The following NOSTRIN variants were observed in gnomAD, a reference collection of about 807,000 sequenced individuals.
NOSTRIN encodes the protein BM247 homolog.
In NOSTRIN, 63 loss-of-function variants were observed where a neutral mutation model predicts 59.0. The observed-to-expected ratio is 1.07, with a 90% CI of 0.87 to 1.32. NOSTRIN has a LOEUF of 1.32. Ranked by LOEUF, NOSTRIN falls within the 40% of genes most tolerant of loss-of-function variation. The probability of loss-of-function intolerance (pLI) is 0.00; values close to 1 mark genes in which losing one functional copy is unlikely to be tolerated. For synonymous variants in NOSTRIN, 200 were observed against 165.4 expected (o/e 1.21, Z -1.61); for missense variants, 512 against 473.1 (o/e 1.08, Z -0.76).
intron 7 of NOSTRIN, among the ~76,000 whole-genome samples, chr2:168,841,048 T>G (rs954277747): frequency 6.7e-6 from 1 of 148,528 alleles, no homozygotes; most frequent in African/African-American, 2.5e-5. Context: ...AGCCCAGGAG[T>G]TGGAGACCAG....
At chr2:168,850,715 C>A in intron 8 of NOSTRIN, 1 of 651,178 alleles carries the variant, frequency 1.5e-6, no homozygotes, top group Non-Finnish European at 2.6e-6. Flanking sequence ...GAGTTCAAGG[C>A]CAGCCTGCCC....
chr2:168,819,156 G>C (rs889188258), intron 2 of NOSTRIN, among the ~76,000 whole-genome samples: 1 of 152,144 alleles, frequency 6.6e-6, no homozygotes, highest in Admixed American at 6.5e-5. Context: ...GATTAGCTCT[G>C]CTCTCTCTAC....
At chr2:168,848,594 A>T (rs566465) in intron 8 of NOSTRIN, among the ~76,000 whole-genome samples, 64,700 of 152,140 alleles carry the variant, frequency 0.43, 14,715 homozygotes, top group East Asian at 0.63. Context: ...ATACCATGGA[A>T]TATTATTCAG....
At chr2:168,841,945 G>T (rs1424758974) in intron 7 of NOSTRIN, among the ~76,000 whole-genome samples, 3 of 152,186 alleles carry the variant, frequency 2.0e-5, no homozygotes, top group Admixed American at 6.5e-5. Flanking sequence ...GGGAAACCCA[G>T]TAAGGCTGTC....
intron 8 of NOSTRIN, among the ~76,000 whole-genome samples, chr2:168,843,910 GT>G (rs1293129977): frequency 6.6e-6 from 1 of 152,170 alleles, no homozygotes; most frequent in Non-Finnish European, 1.5e-5. Flanking sequence ...TGGGAGAATT[GT>G]TTATAATTGC....
At chr2:168,859,949 T>G (rs1288680547) in intron 13 of NOSTRIN, among the ~76,000 whole-genome samples, 1 of 152,206 alleles carries the variant, frequency 6.6e-6, no homozygotes, top group Non-Finnish European at 1.5e-5. Flanking sequence ...AAATTGAAAT[T>G]TTAATATTCG....
intron 3 of NOSTRIN, among the ~76,000 whole-genome samples, chr2:168,826,439 C>T (rs1574284655): frequency 6.6e-6 from 1 of 152,164 alleles, no homozygotes; most frequent in East Asian, 1.9e-4. Context: ...TCTTTCCTTT[C>T]TTTCTCTTCC....
chr2:168,826,191 T>G (rs958165756), intron 3 of NOSTRIN, among the ~76,000 whole-genome samples: 1 of 149,104 alleles, frequency 6.7e-6, no homozygotes, highest in Non-Finnish European at 1.5e-5. Context: ...GTCCATTACG[T>G]TTTTGATTCG....
intron 12 of NOSTRIN, among the ~76,000 whole-genome samples, chr2:168,857,282 T>G (rs975453963): frequency 6.6e-6 from 1 of 152,170 alleles, no homozygotes; most frequent in African/African-American, 2.4e-5. Flanking sequence ...AACTAGTAAT[T>G]TTTATTAAGG....
At chr2:168,795,637 A>C (rs1212987055), upstream of NOSTRIN, among the ~76,000 whole-genome samples, 1 of 152,228 alleles carries the variant, frequency 6.6e-6, no homozygotes, top group African/African-American at 2.4e-5. Flanking sequence ...ACCCTATTAC[A>C]CTGACTATAA....
chr2:168,854,419 C>A (rs145765664), intron 10 of NOSTRIN, among the ~76,000 whole-genome samples: 5 of 152,280 alleles, frequency 3.3e-5, no homozygotes, highest in African/African-American at 1.2e-4. Flanking sequence ...TTCTGTCCCT[C>A]TGCCACTCAT....
At chr2:168,859,362 T>C in intron 12 of NOSTRIN, 150 bp from the exon 13 acceptor site, 1 of 1,206,014 alleles carries the variant, frequency 8.3e-7, no homozygotes, top group Non-Finnish European at 1.1e-6. Context: ...CCTCCATTTT[T>C]TTTTCCTTCG....
At chr2:168,855,638 C>CAAAAAAAAAAAAAAAAAAA in intron 11 of NOSTRIN, 178 bp downstream of exon 11, 1 of 115,544 alleles carries the variant, frequency 8.7e-6, no homozygotes. Context: ...AAAAGAAAGC[C>CAAAAAAAAAAAAAAAAAAA]AAAAAAAAAA....
At chr2:168,807,579 C>G (rs1389934615) in intron 1 of NOSTRIN, among the ~76,000 whole-genome samples, 1 of 152,190 alleles carries the variant, frequency 6.6e-6, no homozygotes, top group Non-Finnish European at 1.5e-5. Flanking sequence ...CATCTCTTAT[C>G]TGATCGCTAA....
Position 168,824,526 on chromosome 2 carries a change from T to C in NOSTRIN, c.114-108T>C, listed in dbSNP as rs1686943648. The C allele has an allele frequency of 6.1e-6, 4 of 653,460 alleles. No homozygotes were observed. In the South Asian group the frequency reaches 6.6e-5, roughly 11 times the overall value. 40.5% of individuals were successfully genotyped at this position (653,460 alleles called of 1,614,324 possible). ...GTTGGCCAGGCTGGTCTTGAACTCC[T>C]GGCCTCAAGTGATCTGCCTGCCTTG... On this transcript the variant is annotated intron_variant, in intron 2 of 15. Coordinates refer to ENST00000317647, the MANE Select transcript of NOSTRIN (RefSeq NM_001039724.4).
At position 168,828,471 on chromosome 2, in the gene NOSTRIN, CCTAAATGTACA is replaced by C; in HGVS notation, c.313_323del (p.Leu105ArgfsTer8). 1.1e-6 allele frequency: 1 copy of C among 871,588 alleles called. No homozygotes were observed. 54.0% of individuals were successfully genotyped at this position (871,588 alleles called of 1,614,324 possible). ...AAGCAATAAAACCGACTTATCAAGT[CCTAAATGTACA>C]AGAGAAGAAGAGAAAATCAGTGAGT... On this transcript the variant is annotated frameshift_variant, in exon 5 of 16. Coordinates refer to ENST00000317647, the MANE Select transcript of NOSTRIN (RefSeq NM_001039724.4). LOFTEE classifies it high-confidence loss of function.
intron 7 of NOSTRIN, 107 bp downstream of exon 7, chr2:168,834,432 T>C: frequency 1.5e-6 from 1 of 668,924 alleles, no homozygotes; most frequent in Non-Finnish European, 2.7e-6. Context: ...CTCTGTGGGA[T>C]TCCTGCAGAG....
upstream of NOSTRIN, among the ~76,000 whole-genome samples, chr2:168,794,202 T>G (rs1393888372): frequency 6.6e-6 from 1 of 152,106 alleles, no homozygotes; most frequent in Non-Finnish European, 1.5e-5. Flanking sequence ...AGTGAATGGA[T>G]GAATACACAT....
intron 7 of NOSTRIN, among the ~76,000 whole-genome samples, chr2:168,841,293 A>AAG (rs1688095540): frequency 6.7e-6 from 1 of 148,622 alleles, no homozygotes; most frequent in Admixed American, 6.7e-5. Flanking sequence ...GAATGCTTTA[A>AAG]ATATATATAT....
Sources: gnomAD v4.1 joint callset for allele counts (sites outside exome capture counted in the v4.1 genomes callset) on GRCh38, gnomAD v4.1.1 for gene constraint, MANE v1.5 for transcripts, NCBI Gene and HGNC (gene_info 2026-07-23, HGNC 2026-07-21) for gene names.